CSMD1: variants seen among roughly 807,000 people sequenced by gnomAD.
CSMD1 encodes CUB and Sushi multiple domains 1.
A neutral mutation model predicts 417.5 loss-of-function variants in CSMD1; 213 were observed. The observed-to-expected ratio is 0.51, with a 90% CI of 0.46 to 0.57. The LOEUF (loss-of-function observed/expected upper bound fraction) is 0.57, where lower values mean the gene tolerates loss of function less well. Among genes scored for constraint, CSMD1 ranks in the 20% least tolerant of loss-of-function variants. The pLI, the probability that CSMD1 is intolerant of heterozygous loss-of-function variation, is 0.00. For synonymous variants in CSMD1, 2,862 were observed against 1,736.8 expected (o/e 1.65, Z -16.11); for missense variants, 6,923 against 4,529.7 (o/e 1.53, Z -15.17).
At chr8:3,307,608 G>A (rs1804977085) in intron 25 of CSMD1, 87 bp downstream of exon 25, 3 of 1,387,268 alleles carry the variant, frequency 2.2e-6, no homozygotes, top group East Asian at 4.7e-5. Flanking sequence ...CTTTAACCAT[G>A]GATATTTGGT....
At chr8:3,478,362 C>T (rs999152358) in intron 11 of CSMD1, among the ~76,000 whole-genome samples, 14 of 152,196 alleles carry the variant, frequency 9.2e-5, no homozygotes, top group Non-Finnish European at 1.5e-4. Flanking sequence ...TTACAGATTT[C>T]CTTTACTGAG....
At chr8:3,170,139 T>C (rs1272518049) in intron 37 of CSMD1, among the ~76,000 whole-genome samples, 1 of 152,252 alleles carries the variant, frequency 6.6e-6, no homozygotes, top group Non-Finnish European at 1.5e-5. Flanking sequence ...AAAAGTAAAT[T>C]TGCTTTGCTG....
chr8:4,036,267 T>A (rs1395291189), intron 3 of CSMD1, among the ~76,000 whole-genome samples: 5 of 152,228 alleles, frequency 3.3e-5, no homozygotes, highest in Non-Finnish European at 5.9e-5. Flanking sequence ...GCATGTAACA[T>A]ATCTCAAGAT....
chr8:4,787,817 C>T (rs769043527), intron 1 of CSMD1: 17 of 1,573,786 alleles, frequency 1.1e-5, no homozygotes, highest in Non-Finnish European at 1.5e-5. Context: ...AGTCATGCTA[C>T]ACAGGCTATA....
At chr8:3,920,179 G>T (rs1440094480) in intron 5 of CSMD1, among the ~76,000 whole-genome samples, 1 of 152,074 alleles carries the variant, frequency 6.6e-6, no homozygotes, top group Non-Finnish European at 1.5e-5. Context: ...GACTACAGGT[G>T]TGTGCCAGCA....
At chr8:3,582,087 G>A (rs1222080532) in intron 9 of CSMD1, among the ~76,000 whole-genome samples, 2 of 152,078 alleles carry the variant, frequency 1.3e-5, no homozygotes, top group Non-Finnish European at 2.9e-5. Flanking sequence ...GAGCCACCGC[G>A]CTGGCCAATG....
chr8:3,481,177 AAACC>A (rs1281745029), intron 11 of CSMD1, among the ~76,000 whole-genome samples: 3 of 150,498 alleles, frequency 2.0e-5, no homozygotes, highest in African/African-American at 7.3e-5. Flanking sequence ...AAAAAAAAAA[AAACC>A]AGAGTAGTTG....
In CSMD1 at chr8:4,711,308, A is replaced by G. The variant is rs78566226; in HGVS notation, c.86-73750T>C. On this transcript the variant is annotated intron_variant, in intron 1 of 69. Transcript: ENST00000635120. ...TAGGTCATTTTCTATTTATCCAATA[A>G]ACTGAAGGGCAAATTAAACCTTTGT... 2.0e-5 allele frequency among the ~76,000 whole-genome samples: 3 copies of G among 152,304 alleles called. No individual in the cohort carries two copies. The East Asian group carries it at 5.8e-4, about 29-fold the overall frequency.
intron 11 of CSMD1, among the ~76,000 whole-genome samples, chr8:3,482,088 T>G (rs1432771821): frequency 6.6e-6 from 1 of 152,008 alleles, no homozygotes; most frequent in Non-Finnish European, 1.5e-5. Flanking sequence ...AAACAAAACT[T>G]AATAACCCTT....
At chr8:4,298,560 C>T (rs1797809778) in intron 3 of CSMD1, among the ~76,000 whole-genome samples, 1 of 151,900 alleles carries the variant, frequency 6.6e-6, no homozygotes, top group Non-Finnish European at 1.5e-5. Context: ...GTACTTGTAC[C>T]CAATGAATTT....
At chr8:4,638,826 A>G (rs951024881) in intron 1 of CSMD1, among the ~76,000 whole-genome samples, 26 of 152,190 alleles carry the variant, frequency 1.7e-4, no homozygotes, top group African/African-American at 6.0e-4. Flanking sequence ...GCCACCTTGA[A>G]GCCACTGAGC....
intron 3 of CSMD1, among the ~76,000 whole-genome samples, chr8:4,161,670 A>C (rs1410908152): frequency 6.6e-6 from 1 of 152,230 alleles, no homozygotes; most frequent in African/African-American, 2.4e-5. Context: ...ACAGCCATAA[A>C]AATTATTACA....
At chr8:4,992,716 G>A (rs570792314) in intron 1 of CSMD1, among the ~76,000 whole-genome samples, 1 of 152,360 alleles carries the variant, frequency 6.6e-6, no homozygotes, top group South Asian at 2.1e-4. Flanking sequence ...GTCGGGCCCT[G>A]CTCAGCAGGC....
chr8:3,288,115 T>G (rs1010233005), intron 25 of CSMD1, among the ~76,000 whole-genome samples: 2 of 147,552 alleles, frequency 1.4e-5, no homozygotes, highest in African/African-American at 5.4e-5. Context: ...TTATCGATTT[T>G]CATTTGTTGA....
chr8:4,802,816 A>C (rs1798376637), intron 1 of CSMD1, among the ~76,000 whole-genome samples: 1 of 152,160 alleles, frequency 6.6e-6, no homozygotes, highest in African/African-American at 2.4e-5. Flanking sequence ...GGAAGGACAG[A>C]CTCCAATAAT....
intron 3 of CSMD1, among the ~76,000 whole-genome samples, chr8:4,401,592 C>T (rs537808701): frequency 6.6e-6 from 1 of 152,118 alleles, no homozygotes; most frequent in Non-Finnish European, 1.5e-5. Context: ...ATCATGTCCT[C>T]CATCCCTGTC....
intron 5 of CSMD1, among the ~76,000 whole-genome samples, chr8:3,883,667 C>T (rs989309124): frequency 1.3e-5 from 2 of 152,148 alleles, no homozygotes; most frequent in East Asian, 3.9e-4. Context: ...TTAATTTACA[C>T]TAACTTCTAT....
chr8:3,975,539 C>T (rs909346339), intron 5 of CSMD1, among the ~76,000 whole-genome samples: 2 of 152,206 alleles, frequency 1.3e-5, no homozygotes, highest in Admixed American at 6.5e-5. Flanking sequence ...GCCATGGCTT[C>T]TCCCACTGTC....
intron 5 of CSMD1, among the ~76,000 whole-genome samples, chr8:3,849,456 T>A (rs940552626): frequency 6.6e-6 from 1 of 152,104 alleles, no homozygotes; most frequent in Admixed American, 6.5e-5. Context: ...CTTCTGGCGG[T>A]TACTCCTTTT....
Sources: gnomAD v4.1 joint callset for allele counts (sites outside exome capture counted in the v4.1 genomes callset) on GRCh38, gnomAD v4.1.1 for gene constraint, MANE v1.5 for transcripts, NCBI Gene and HGNC (gene_info 2026-07-23, HGNC 2026-07-21) for gene names.